The following BASP1 variants were observed in gnomAD, a reference collection of about 807,000 sequenced individuals.
BASP1 encodes the protein brain acid soluble protein 1.
In BASP1, 1 loss-of-function variant was observed where a neutral mutation model predicts 2.2. The observed-to-expected ratio is 0.46, with a 90% confidence interval of 0.16 to 2.17. The LOEUF (loss-of-function observed/expected upper bound fraction) is 2.17, where lower values mean the gene tolerates loss of function less well. BASP1 is among the 30% of genes most tolerant of loss of function. The pLI is 0.27. For missense variants in BASP1, 352 were observed against 327.2 expected (o/e 1.08, Z -0.58); for synonymous variants, 187 against 154.2 (o/e 1.21, Z -1.58).
chr5:17,275,840 GCCCAAGCCGGTGGAGGCCC>G lies in BASP1; in HGVS notation c.626_644del (p.Pro209ArgfsTer9). The G allele has an allele frequency of 6.2e-7, 1 of 1,607,424 alleles. No homozygotes were observed. Among genetic ancestry groups the G allele is most frequent in the East Asian group, 2.3e-5 (1 of 44,244 alleles). ...AGGGCCCCGCAGCCTCTGCAGAAGA[GCCCAAGCCGGTGGAGGCCC>G]CGGCAGCTAATTCCGACCAAACCGT... is the stretch of plus-strand genomic sequence containing the variant. On this transcript the variant is annotated frameshift_variant, in exon 2 of 2. Transcript: ENST00000322611. LOFTEE classifies it high-confidence loss of function. The surrounding 1 kb of genome is among the most constrained non-coding windows in gnomAD (Gnocchi z 5.3).
chr5:17,231,400 A>G (rs1202698403), intron 1 of BASP1, among the ~76,000 whole-genome samples: 2 of 151,778 alleles, frequency 1.3e-5, no homozygotes, highest in Admixed American at 6.6e-5. Context: ...CTGCCCTAAT[A>G]CTCTCCTAAA....
intron 1 of BASP1, among the ~76,000 whole-genome samples, chr5:17,264,547 T>C (rs766416566): frequency 3.9e-5 from 6 of 152,260 alleles, no homozygotes; most frequent in Non-Finnish European, 7.3e-5. Flanking sequence ...CAGCCACACA[T>C]TGAACTTTGT....
intron 1 of BASP1, among the ~76,000 whole-genome samples, chr5:17,259,176 C>T (rs1172139753): frequency 6.6e-6 from 1 of 152,172 alleles, no homozygotes. Flanking sequence ...CAAGTCATGT[C>T]TTACATGGAT....
chr5:17,244,729 G>T (rs1319237480), intron 1 of BASP1, among the ~76,000 whole-genome samples: 8 of 143,372 alleles, frequency 5.6e-5, no homozygotes, highest in Non-Finnish European at 1.0e-4. Flanking sequence ...GTCTCGCTCT[G>T]TTGCCAGGCT....
chr5:17,252,654 TAG>T (rs1740126027), intron 1 of BASP1, among the ~76,000 whole-genome samples: 1 of 152,244 alleles, frequency 6.6e-6, no homozygotes, highest in Non-Finnish European at 1.5e-5. Context: ...AAGAAGGAAT[TAG>T]AGTTAAGAAA....
chr5:17,240,133 G>GATAAATAAATAA lies in BASP1; in HGVS notation c.-10+22348_-10+22359dup, dbSNP rs55977756. On this transcript the variant is annotated intron_variant, in intron 1 of 1. Transcript: ENST00000322611. ...ATGTTGGGAAAAAAATAAAAATAAA[G>GATAAATAAATAA]ATAAATAAATAAATAAATAAATAAA... 1.1e-3 allele frequency among the ~76,000 whole-genome samples: 158 copies of GATAAATAAATAA among 146,070 alleles called. 1 individual carries two copies. Among genetic ancestry groups the GATAAATAAATAA allele is most frequent in the African/African-American group, 3.1e-3 (122 of 39,770 alleles).
chr5:17,242,855 A>T (rs1739895951), intron 1 of BASP1, among the ~76,000 whole-genome samples: 2 of 152,160 alleles, frequency 1.3e-5, no homozygotes, highest in South Asian at 4.1e-4. Flanking sequence ...GTTTAAAAAA[A>T]AAAAAAGGTA....
intron 1 of BASP1, among the ~76,000 whole-genome samples, chr5:17,268,567 C>T (rs956971139): frequency 2.4e-4 from 36 of 152,070 alleles, no homozygotes; most frequent in African/African-American, 6.8e-4. Context: ...ATTAAAATAG[C>T]GTGTACAGAG....
intron 1 of BASP1, among the ~76,000 whole-genome samples, chr5:17,233,394 C>G (rs951276050): frequency 1.3e-5 from 2 of 152,184 alleles, no homozygotes; most frequent in Non-Finnish European, 2.9e-5. Context: ...ATCTCCTTCC[C>G]CTTCTTTGTG....
chr5:17,234,374 C>T (rs908316887), intron 1 of BASP1, among the ~76,000 whole-genome samples: 3 of 151,798 alleles, frequency 2.0e-5, no homozygotes, highest in Non-Finnish European at 4.4e-5. Context: ...ACATTTGAAG[C>T]CGTAAGTAAA....
intron 1 of BASP1, among the ~76,000 whole-genome samples, chr5:17,246,940 A>G (rs1340867526): frequency 6.6e-6 from 1 of 152,202 alleles, no homozygotes; most frequent in African/African-American, 2.4e-5. Context: ...TAATCCCAGC[A>G]CTTTGTGAGG....
intron 1 of BASP1, among the ~76,000 whole-genome samples, chr5:17,241,376 A>G (rs1265295391): frequency 1.3e-5 from 2 of 152,326 alleles, no homozygotes; most frequent in Middle Eastern, 3.4e-3. Flanking sequence ...TTGTGATTAC[A>G]GGAGTGAACC....
intron 1 of BASP1, among the ~76,000 whole-genome samples, chr5:17,274,029 A>G (rs1300236421): frequency 6.6e-6 from 1 of 152,124 alleles, no homozygotes; most frequent in Non-Finnish European, 1.5e-5. Context: ...GATGAAATTT[A>G]TTATTTATAA....
intron 1 of BASP1, among the ~76,000 whole-genome samples, chr5:17,258,252 G>T (rs963268741): frequency 3.9e-5 from 6 of 152,184 alleles, no homozygotes; most frequent in African/African-American, 1.4e-4. Flanking sequence ...TAGGTTTTCT[G>T]CTGTGCTTGT....
chr5:17,240,862 A>G (rs1245953453), intron 1 of BASP1: 1 of 152,258 alleles, frequency 6.6e-6, no homozygotes, highest in African/African-American at 2.4e-5. Context: ...CTACTAAACA[A>G]AAAGATAAAA....
intron 1 of BASP1, among the ~76,000 whole-genome samples, chr5:17,241,966 CTG>C (rs1457938200): frequency 6.6e-6 from 1 of 152,178 alleles, no homozygotes; most frequent in African/African-American, 2.4e-5. Context: ...CTGAACTGCA[CTG>C]TGTCTCTACA....
chr5:17,230,608 A>C (rs1027535235), intron 1 of BASP1, among the ~76,000 whole-genome samples: 1 of 151,974 alleles, frequency 6.6e-6, no homozygotes, highest in East Asian at 1.9e-4. Flanking sequence ...TCGCTCTGTG[A>C]TGCAGGCTGC....
rs2126523935 is a variant in BASP1 at position 17,275,465 on chromosome 5, G to A, written c.249G>A (p.Pro83=). ...KDAAAAKEEA[P]KAEPEKTEGA... The stretch of plus-strand genomic sequence containing the variant: ...CGGCGGCTGCCAAGGAGGAGGCCCC[G>A]AAGGCGGAGCCCGAGAAGACGGAGG... Residue 83 remains proline, a synonymous_variant, in exon 2 of 2, where the codon CCG becomes CCA. Transcript: ENST00000322611. The surrounding 1 kb of genome is among the most constrained non-coding windows in gnomAD (Gnocchi z 5.3). 6.7e-7 allele frequency: 1 copy of A among 1,502,372 alleles called. No homozygotes were observed. The highest frequency in any genetic ancestry group is 8.9e-7 in the Non-Finnish European group (1 of 1,127,760). The allele number at this position is 1,502,372 out of a possible 1,614,324, so 93.1% of individuals were successfully genotyped here.
At chr5:17,221,363 A>ATTTTTTTTTTTTT (rs1561162624) in intron 1 of BASP1, among the ~76,000 whole-genome samples, 1 of 140,392 alleles carries the variant, frequency 7.1e-6, no homozygotes, top group African/African-American at 2.7e-5. Context: ...TCTCTTGTAA[A>ATTTTTTTTTTTTT]TGTTTTTTTT....
Sources: allele counts gnomAD v4.1 joint callset (sites outside exome capture counted in the v4.1 genomes callset), GRCh38; gene constraint gnomAD v4.1.1; non-coding constraint Gnocchi (gnomAD v3.1); transcripts MANE v1.5; gene names NCBI Gene and HGNC (gene_info 2026-07-23, HGNC 2026-07-21).